The following ZMAT4 variants were observed in gnomAD, a reference collection of about 807,000 sequenced individuals.
ZMAT4 encodes the protein zinc finger matrin-type 4, also known as zinc finger matrin-type protein 4.
A neutral mutation model predicts 28.7 loss-of-function variants in ZMAT4; 17 were observed. That is an observed-to-expected ratio of 0.59 (90% CI 0.41 to 0.89). The LOEUF (loss-of-function observed/expected upper bound fraction) is 0.89. Among genes scored for constraint, ZMAT4 ranks in the 40% least tolerant of loss-of-function variants. The probability of loss-of-function intolerance (pLI) is 0.00; values close to 1 mark genes in which losing one functional copy is unlikely to be tolerated. For missense variants in ZMAT4, 240 were observed against 283.8 expected, an observed-to-expected ratio of 0.85 and a Z score of 1.11; for synonymous variants, 117 against 109.2, an observed-to-expected ratio of 1.07 and a Z score of -0.44.
chr8:40,551,070 T>C (rs965840909), intron 6 of ZMAT4, among the ~76,000 whole-genome samples: 7 of 152,192 alleles, frequency 4.6e-5, no homozygotes, highest in Non-Finnish European at 8.8e-5. Context: ...TGATGTTGTC[T>C]CATACAACAT....
intron 4 of ZMAT4, among the ~76,000 whole-genome samples, chr8:40,682,014 ATATAAC>A (rs1407262141): frequency 2.6e-5 from 4 of 152,154 alleles, no homozygotes; most frequent in Admixed American, 6.6e-5. Context: ...GCAAAACTTT[ATATAAC>A]TATAACTACT....
chr8:40,775,474 T>C (rs1026240204), intron 2 of ZMAT4, among the ~76,000 whole-genome samples: 1 of 152,180 alleles, frequency 6.6e-6, no homozygotes, highest in Non-Finnish European at 1.5e-5. Flanking sequence ...GCATAAGCTC[T>C]GAAGAAACTG....
rs555764649 is a variant in ZMAT4 at position 40,646,413 on chromosome 8, A to C, written c.577+28291T>G. Among the ~76,000 whole-genome samples the C allele has an allele frequency of 1.1e-4, 16 of 151,998 alleles. No homozygotes were observed. The East Asian group carries it at 3.1e-3, about 29-fold the overall frequency. On this transcript the variant is annotated intron_variant, in intron 5 of 6. Coordinates refer to ENST00000297737, the MANE Select transcript of ZMAT4 (RefSeq NM_024645.3). ...TAACTTTTTATTCTACTTAGAATTA[A>C]TATTGTATCACTTTCCATAAAGTAT...
intron 4 of ZMAT4, among the ~76,000 whole-genome samples, chr8:40,678,672 G>A (rs1809012740): frequency 6.6e-6 from 1 of 152,200 alleles, no homozygotes; most frequent in African/African-American, 2.4e-5. Flanking sequence ...CTGTGTGTAT[G>A]TGTAAGGGAA....
chr8:40,601,485 G>GAAAGAAAAAAGAAAGAA (rs1554525395), intron 5 of ZMAT4, among the ~76,000 whole-genome samples: 1 of 133,274 alleles, frequency 7.5e-6, no homozygotes, highest in Non-Finnish European at 1.6e-5. Context: ...AAGAAAGAAA[G>GAAAGAAAAAAGAAAGAA]AAAGAAAGAG....
At chr8:40,604,306 G>A (rs1805505417) in intron 5 of ZMAT4, among the ~76,000 whole-genome samples, 2 of 152,126 alleles carry the variant, frequency 1.3e-5, no homozygotes, top group African/African-American at 4.8e-5. Context: ...CCAGTTCCCA[G>A]GGAGAATGCT....
At chr8:40,743,167 T>G (rs1221815023) in intron 3 of ZMAT4, among the ~76,000 whole-genome samples, 1 of 152,066 alleles carries the variant, frequency 6.6e-6, no homozygotes, top group African/African-American at 2.4e-5. Flanking sequence ...ATAAATACAT[T>G]TATTTATTTT....
intron 3 of ZMAT4, among the ~76,000 whole-genome samples, chr8:40,713,921 CA>C (rs532317102): frequency 0.035 from 1,735 of 50,030 alleles, 29 homozygotes; most frequent in African/African-American, 0.097. Context: ...AAAACAAAAC[CA>C]AAAAAAAAAA....
chr8:40,643,849 T>A (rs1807173403), intron 5 of ZMAT4, among the ~76,000 whole-genome samples: 1 of 149,402 alleles, frequency 6.7e-6, no homozygotes, highest in East Asian at 2.0e-4. Flanking sequence ...CAAAGGCTCA[T>A]AAGAAATGAA....
At chr8:40,534,031 T>C (rs1362040146) in intron 6 of ZMAT4, among the ~76,000 whole-genome samples, 1 of 152,130 alleles carries the variant, frequency 6.6e-6, no homozygotes, top group Non-Finnish European at 1.5e-5. Context: ...TATTCACAGC[T>C]AAACAGTCTT....
chr8:40,871,905 C>A (rs775129643), intron 1 of ZMAT4, among the ~76,000 whole-genome samples: 4 of 152,190 alleles, frequency 2.6e-5, no homozygotes, highest in African/African-American at 4.8e-5. Context: ...CCTAAATATA[C>A]TGGTTTTTCA....
chr8:40,809,447 C>T (rs1226266519), intron 2 of ZMAT4, among the ~76,000 whole-genome samples: 1 of 152,064 alleles, frequency 6.6e-6, no homozygotes. Context: ...CAAACCTGTA[C>T]ATGTATCCTC....
At chr8:40,697,094 T>G (rs978882832) in intron 4 of ZMAT4, 151 bp downstream of exon 4, 15 of 864,480 alleles carry the variant, frequency 1.7e-5, no homozygotes, top group Non-Finnish European at 2.4e-5. Flanking sequence ...CCAGGTCTGC[T>G]GAGGTCAGCC....
At chr8:40,740,379 A>G (rs1400275638) in intron 3 of ZMAT4, among the ~76,000 whole-genome samples, 1 of 152,218 alleles carries the variant, frequency 6.6e-6, no homozygotes, top group Non-Finnish European at 1.5e-5. Context: ...TTTGCACAAA[A>G]TAACATTTTT....
chr8:40,629,321 T>A (rs1806487608), intron 5 of ZMAT4, among the ~76,000 whole-genome samples: 1 of 152,004 alleles, frequency 6.6e-6, no homozygotes, highest in Admixed American at 6.5e-5. Flanking sequence ...GGACATATTT[T>A]CTCATTTTCT....
chr8:40,558,844 C>T (rs756436113), intron 6 of ZMAT4, among the ~76,000 whole-genome samples: 1 of 151,988 alleles, frequency 6.6e-6, no homozygotes, highest in Non-Finnish European at 1.5e-5. Flanking sequence ...AGGCCCACGC[C>T]CTTTTGTGTT....
At chr8:40,842,900 G>A (rs532561856) in intron 1 of ZMAT4, among the ~76,000 whole-genome samples, 11 of 152,212 alleles carry the variant, frequency 7.2e-5, no homozygotes, top group Admixed American at 3.3e-4. Context: ...CTCAGCCTCC[G>A]GAGTAGCTGG....
chr8:40,712,820 G>A (rs10106637), intron 3 of ZMAT4, among the ~76,000 whole-genome samples: 43,544 of 151,944 alleles, frequency 0.29, 6,797 homozygotes, highest in Non-Finnish European at 0.36. Context: ...CCCAGAAGCA[G>A]TGCATATCAA....
At chr8:40,793,234 A>G (rs1166553225) in intron 2 of ZMAT4, among the ~76,000 whole-genome samples, 1 of 152,228 alleles carries the variant, frequency 6.6e-6, no homozygotes, top group Non-Finnish European at 1.5e-5. Context: ...TGTAAACCTA[A>G]AACTGAGCAC....
Sources: gnomAD v4.1 joint callset for allele counts (sites outside exome capture counted in the v4.1 genomes callset) on GRCh38, gnomAD v4.1.1 for gene constraint, MANE v1.5 for transcripts, NCBI Gene and HGNC (gene_info 2026-07-23, HGNC 2026-07-21) for gene names.